TAFA1: variants seen among roughly 807,000 people sequenced by gnomAD.
The protein encoded by TAFA1 is TAFA chemokine like family member 1.
Under a neutral mutation model 18.5 loss-of-function variants are expected in TAFA1, and 4 were observed. That is an observed-to-expected ratio of 0.22 (90% CI 0.11 to 0.49). The LOEUF is 0.49. Among genes scored for constraint, TAFA1 ranks in the 20% least tolerant of loss-of-function variants. TAFA1 has a pLI of 0.98. For missense variants in TAFA1, 147 were observed against 169.0 expected (o/e 0.87, Z 0.72); for synonymous variants, 56 against 55.2 (o/e 1.01, Z -0.06).
At chr3:68,151,202 C>T (rs957714565) in intron 2 of TAFA1, among the ~76,000 whole-genome samples, 3 of 152,152 alleles carry the variant, frequency 2.0e-5, no homozygotes, top group Admixed American at 6.5e-5. Flanking sequence ...ACACAAGCTG[C>T]AACATATTTT....
intron 2 of TAFA1, among the ~76,000 whole-genome samples, chr3:68,028,164 G>A (rs1704856115): frequency 6.6e-6 from 1 of 152,090 alleles, no homozygotes; most frequent in Non-Finnish European, 1.5e-5. Flanking sequence ...GCCAGGTGTG[G>A]TGGCACATGC....
chr3:68,361,779 G>A (rs896154575), intron 2 of TAFA1, among the ~76,000 whole-genome samples: 4 of 152,012 alleles, frequency 2.6e-5, no homozygotes, highest in South Asian at 2.1e-4. Context: ...AGGTGATTTT[G>A]CACATTATTT....
At chr3:68,163,181 AT>A (rs2065945896) in intron 2 of TAFA1, among the ~76,000 whole-genome samples, 1 of 152,242 alleles carries the variant, frequency 6.6e-6, no homozygotes, top group Non-Finnish European at 1.5e-5. Flanking sequence ...TTTTCTACAT[AT>A]TAATCATCCT....
At chr3:68,504,763 CAATGTTCAGTA>C (rs1280142704) in intron 3 of TAFA1, among the ~76,000 whole-genome samples, 1 of 152,014 alleles carries the variant, frequency 6.6e-6, no homozygotes, top group Non-Finnish European at 1.5e-5. Flanking sequence ...ACAAAAATAT[CAATGTTCAGTA>C]AAAGTAAAAG....
intron 2 of TAFA1, among the ~76,000 whole-genome samples, chr3:68,300,246 G>A (rs752343144): frequency 2.7e-5 from 4 of 150,880 alleles, no homozygotes; most frequent in African/African-American, 9.7e-5. Context: ...CCCACCTCTT[G>A]TATAAGCATG....
At chr3:68,361,843 G>A (rs2057774979) in intron 2 of TAFA1, among the ~76,000 whole-genome samples, 1 of 151,968 alleles carries the variant, frequency 6.6e-6, no homozygotes, top group South Asian at 2.1e-4. Context: ...CATTTTACAG[G>A]TGGCACTGAA....
intron 4 of TAFA1, among the ~76,000 whole-genome samples, chr3:68,544,252 C>G (rs2073421845): frequency 6.6e-6 from 1 of 152,096 alleles, no homozygotes; most frequent in African/African-American, 2.4e-5. Flanking sequence ...CCTCACTCCT[C>G]AGGAGTGACA....
Position 68,499,859 on chromosome 3 carries a change from TC to T in TAFA1, c.260-38895del, listed in dbSNP as rs1358380434. 4.9e-4 allele frequency among the ~76,000 whole-genome samples: 50 copies of T among 101,618 alleles called. No homozygotes were observed. The East Asian group carries it at 0.014, about 29-fold the overall frequency. 66.7% of individuals were successfully genotyped at this position (101,618 alleles called of 152,430 possible). Reference sequence around the variant, plus strand: ...ATTCAAACTGAATTTTTTTTTCTTTTCCTTTTTTTTTTTTTTTTTAAGAAGC... The same window carrying T: ...ATTCAAACTGAATTTTTTTTTCTTTTCTTTTTTTTTTTTTTTTTAAGAAGC... On this transcript the variant is annotated intron_variant, in intron 3 of 4. Transcript: ENST00000478136.
intron 2 of TAFA1, among the ~76,000 whole-genome samples, chr3:68,387,735 G>C (rs1470822457): frequency 6.6e-6 from 1 of 151,900 alleles, no homozygotes; most frequent in Non-Finnish European, 1.5e-5. Context: ...CCCCATATGA[G>C]GTCCATCAGT....
chr3:68,416,133 G>A (rs931425646), intron 2 of TAFA1, among the ~76,000 whole-genome samples: 1 of 152,012 alleles, frequency 6.6e-6, no homozygotes, highest in Non-Finnish European at 1.5e-5. Context: ...TATGGGGGAG[G>A]GAGCAACATC....
At chr3:68,191,755 A>G (rs2066343076) in intron 2 of TAFA1, among the ~76,000 whole-genome samples, 3 of 151,816 alleles carry the variant, frequency 2.0e-5, no homozygotes, top group Admixed American at 6.6e-5. Flanking sequence ...GGTTTCATAT[A>G]GATTTTGTAC....
chr3:68,516,518 AT>A (rs2072923168), intron 3 of TAFA1, among the ~76,000 whole-genome samples: 1 of 152,146 alleles, frequency 6.6e-6, no homozygotes, highest in African/African-American at 2.4e-5. Context: ...TATATTTTCA[AT>A]TAATGTGCTT....
At chr3:68,377,265 G>A (rs956067361) in intron 2 of TAFA1, among the ~76,000 whole-genome samples, 2 of 152,200 alleles carry the variant, frequency 1.3e-5, no homozygotes, top group Non-Finnish European at 2.9e-5. Context: ...AAAGTAGGAT[G>A]TGGGAAGTTT....
At chr3:68,422,927 C>T (rs2106813915) in intron 3 of TAFA1, among the ~76,000 whole-genome samples, 1 of 151,586 alleles carries the variant, frequency 6.6e-6, no homozygotes, top group East Asian at 1.9e-4. Context: ...TACCTACAGC[C>T]TTTCATTAAT....
At chr3:68,391,551 A>G (rs1317832472) in intron 2 of TAFA1, among the ~76,000 whole-genome samples, 1 of 152,200 alleles carries the variant, frequency 6.6e-6, no homozygotes, top group Non-Finnish European at 1.5e-5. Context: ...CGTAAGACAC[A>G]TAATCGTCAG....
At chr3:68,274,904 G>C (rs769830724) in intron 2 of TAFA1, among the ~76,000 whole-genome samples, 1 of 151,702 alleles carries the variant, frequency 6.6e-6, no homozygotes, top group East Asian at 1.9e-4. Context: ...CATTATTTTC[G>C]TCATTTTGTT....
chr3:68,477,390 T>C (rs2072120631), intron 3 of TAFA1, among the ~76,000 whole-genome samples: 2 of 152,224 alleles, frequency 1.3e-5, no homozygotes, highest in Non-Finnish European at 1.5e-5. Context: ...AAATTCTTTT[T>C]TGAGATGGAG....
chr3:68,280,579 C>A (rs1471917032), intron 2 of TAFA1, among the ~76,000 whole-genome samples: 1 of 152,020 alleles, frequency 6.6e-6, no homozygotes, highest in Non-Finnish European at 1.5e-5. Flanking sequence ...CCTACCTCCA[C>A]TTTTAAAGAA....
At chr3:68,525,847 CT>C (rs545226244) in intron 3 of TAFA1, among the ~76,000 whole-genome samples, 26 of 148,396 alleles carry the variant, frequency 1.8e-4, no homozygotes, top group South Asian at 6.4e-4. Context: ...TTCTCTCTCT[CT>C]TTTTTTTTTA....
Sources: gnomAD v4.1 joint callset for allele counts (sites outside exome capture counted in the v4.1 genomes callset) on GRCh38, gnomAD v4.1.1 for gene constraint, MANE v1.5 for transcripts, NCBI Gene and HGNC (gene_info 2026-07-23, HGNC 2026-07-21) for gene names.